The following FHOD3 variants were observed in gnomAD, a reference collection of about 807,000 sequenced individuals.
The protein encoded by FHOD3 is FH1/FH2 domain-containing protein 3.
A neutral mutation model predicts 173.0 loss-of-function variants in FHOD3; 90 were observed. The ratio of observed to expected loss-of-function variants is 0.52; its 90% CI spans 0.44 to 0.62. The LOEUF is 0.62. Ranked by LOEUF, FHOD3 falls within the 20% of genes least tolerant of loss-of-function variation. FHOD3 has a pLI of 0.00. For missense variants in FHOD3, 1,945 were observed against 2,034.7 expected (o/e 0.96, Z 0.85); for synonymous variants, 828 against 823.0 (o/e 1.01, Z -0.10).
chr18:36,750,440 G>A (rs1229901530), intron 24 of FHOD3, among the ~76,000 whole-genome samples: 1 of 152,152 alleles, frequency 6.6e-6, no homozygotes, highest in Non-Finnish European at 1.5e-5. Context: ...TAGGTTATCT[G>A]TTTACTCTGT....
chr18:36,697,369 A>G (rs975452464), intron 17 of FHOD3, among the ~76,000 whole-genome samples: 6 of 152,170 alleles, frequency 3.9e-5, no homozygotes, highest in Non-Finnish European at 2.9e-5. Context: ...GGCATTTCCC[A>G]GTGGAAGGAA....
intron 5 of FHOD3, among the ~76,000 whole-genome samples, chr18:36,554,377 A>G (rs2057786176): frequency 1.3e-5 from 2 of 152,048 alleles, no homozygotes; most frequent in Non-Finnish European, 1.5e-5. Context: ...TGAGCAAACT[A>G]TCGCAAGGAC....
chr18:36,627,498 G>C (rs1326241928), intron 10 of FHOD3, among the ~76,000 whole-genome samples: 1 of 152,194 alleles, frequency 6.6e-6, no homozygotes, highest in Non-Finnish European at 1.5e-5. Flanking sequence ...GGCTCGGTAG[G>C]ATCTGAAACA....
rs1357364328 is a variant in FHOD3 at position 36,718,816 on chromosome 18, TAAA to T, written c.3417+104_3417+106del. ...ATTTTGCATTGCTTTTGCTATTTGG[TAAA>T]AAGTCCATTGGTATGAAAATTTGAT... On this transcript the variant is annotated intron_variant, in intron 19 of 28. Transcript: ENST00000590592. The T allele has an allele frequency of 2.7e-6, 4 of 1,504,178 alleles. No individual in the cohort carries two copies. In the African/African-American group the frequency reaches 4.2e-5, roughly 16 times the overall value. 93.2% of individuals were successfully genotyped at this position (1,504,178 alleles called of 1,614,324 possible).
At chr18:36,425,601 C>T (rs12605111) in intron 3 of FHOD3, among the ~76,000 whole-genome samples, 37,176 of 152,064 alleles carry the variant, frequency 0.24, 4,735 homozygotes, top group Middle Eastern at 0.28. Context: ...GAGACCCCAA[C>T]AGTGGCGCTT....
intron 10 of FHOD3, among the ~76,000 whole-genome samples, chr18:36,634,150 C>A (rs138690104): frequency 1.5e-4 from 23 of 152,136 alleles, no homozygotes; most frequent in Middle Eastern, 3.2e-3. Flanking sequence ...AGTGGCCCAG[C>A]AGGTGGTAGG....
intron 5 of FHOD3, among the ~76,000 whole-genome samples, chr18:36,540,670 G>A (rs919286393): frequency 6.6e-6 from 1 of 152,146 alleles, no homozygotes; most frequent in South Asian, 2.1e-4. Context: ...AGAAGGGAGA[G>A]TTGTACAAAG....
chr18:36,322,540 T>G (rs487239), intron 1 of FHOD3, among the ~76,000 whole-genome samples: 90,688 of 151,836 alleles, frequency 0.6, 28,350 homozygotes, highest in Non-Finnish European at 0.7. Flanking sequence ...CAGGTTTGGG[T>G]GCCGGGGTTG....
chr18:36,761,196 A>C (rs1343348194), intron 27 of FHOD3, among the ~76,000 whole-genome samples: 1 of 152,222 alleles, frequency 6.6e-6, no homozygotes, highest in Non-Finnish European at 1.5e-5. Context: ...TAGGACCTAC[A>C]GAGCCTAAAA....
intron 4 of FHOD3, 62 bp from the exon 5 acceptor site, chr18:36,512,376 C>T: frequency 8.0e-7 from 1 of 1,257,522 alleles, no homozygotes; most frequent in Non-Finnish European, 1.2e-6. Context: ...TTTAGCAGCA[C>T]AGCTGGGATG....
chr18:36,765,323 C>A (rs2043095834), intron 27 of FHOD3, among the ~76,000 whole-genome samples: 1 of 152,048 alleles, frequency 6.6e-6, no homozygotes, highest in Non-Finnish European at 1.5e-5. Flanking sequence ...TGGCCTAAAC[C>A]CAGCTCAATA....
chr18:36,679,522 C>G (rs1171674812), intron 14 of FHOD3, among the ~76,000 whole-genome samples: 2 of 151,980 alleles, frequency 1.3e-5, no homozygotes, highest in African/African-American at 2.4e-5. Flanking sequence ...AATATAAATA[C>G]TTAAGACAAT....
At chr18:36,576,138 C>G (rs976338028) in intron 5 of FHOD3, among the ~76,000 whole-genome samples, 1 of 152,172 alleles carries the variant, frequency 6.6e-6, no homozygotes, top group African/African-American at 2.4e-5. Flanking sequence ...TTTGTCCTGT[C>G]TGGGACTACA....
chr18:36,662,156 G>C (rs1023343704), intron 14 of FHOD3, among the ~76,000 whole-genome samples: 1 of 152,186 alleles, frequency 6.6e-6, no homozygotes, highest in Non-Finnish European at 1.5e-5. Flanking sequence ...GGGAAAGGCC[G>C]GGCCCATCCT....
chr18:36,397,730 T>A (rs2048619456), intron 3 of FHOD3, among the ~76,000 whole-genome samples: 1 of 152,194 alleles, frequency 6.6e-6, no homozygotes, highest in Non-Finnish European at 1.5e-5. Flanking sequence ...GGAAATGCCT[T>A]CAAGAGAGAA....
intron 3 of FHOD3, among the ~76,000 whole-genome samples, chr18:36,425,371 C>A (rs748681942): frequency 4.6e-5 from 7 of 152,052 alleles, no homozygotes; most frequent in Non-Finnish European, 1.5e-5. Flanking sequence ...AGTTAAGGGA[C>A]GTAGAATGGC....
intron 9 of FHOD3, among the ~76,000 whole-genome samples, chr18:36,617,230 C>T (rs982196779): frequency 1.3e-4 from 20 of 152,300 alleles, no homozygotes; most frequent in South Asian, 8.3e-4. Flanking sequence ...TCCTCACATG[C>T]TTGTGTCCTT....
chr18:36,425,031 T>C (rs1450898709), intron 3 of FHOD3, among the ~76,000 whole-genome samples: 1 of 152,074 alleles, frequency 6.6e-6, no homozygotes. Context: ...AGAGAAGCCA[T>C]AAAGTGCGTC....
At position 36,577,877 on chromosome 18, in the gene FHOD3, C is replaced by T. The variant is rs118104131; in HGVS notation, c.606+1332C>T. Among the ~76,000 whole-genome samples the T allele has an allele frequency of 2.2e-4, 33 of 152,230 alleles. No individual in the cohort carries two copies. The East Asian group carries it at 4.8e-3, about 22-fold the overall frequency. ...TGGCATAGTCTTCTCTGGTTTCTGC[C>T]GGGGTGTGGAGGAGCATGTGTTAGG... On this transcript the variant is annotated intron_variant, in intron 6 of 28. Coordinates refer to ENST00000590592, the MANE Select transcript of FHOD3 (RefSeq NM_001281740.3).
Sources: gnomAD v4.1 joint callset for allele counts (sites outside exome capture counted in the v4.1 genomes callset) on GRCh38, gnomAD v4.1.1 for gene constraint, MANE v1.5 for transcripts, NCBI Gene and HGNC (gene_info 2026-07-23, HGNC 2026-07-21) for gene names.